The following NRXN3 variants were observed in gnomAD, a reference collection of about 807,000 sequenced individuals.
NRXN3 encodes neurexin III.
A neutral mutation model predicts 137.6 loss-of-function variants in NRXN3; 32 were observed. That is an observed-to-expected ratio of 0.23 (90% confidence interval 0.18 to 0.31). NRXN3 has a LOEUF of 0.31. NRXN3 is among the 10% of genes least tolerant of loss of function. The pLI, the probability that NRXN3 is intolerant of heterozygous loss-of-function variation, is 1.00. For synonymous variants in NRXN3, 798 were observed against 784.5 expected, an observed-to-expected ratio of 1.02 and a Z score of -0.29; for missense variants, 1,574 against 2,062.5, an observed-to-expected ratio of 0.76 and a Z score of 4.59.
At chr14:78,986,473 G>A (rs1170777158) in intron 14 of NRXN3, among the ~76,000 whole-genome samples, 1 of 152,100 alleles carries the variant, frequency 6.6e-6, no homozygotes, top group African/African-American at 2.4e-5. Context: ...ATGGCAATCT[G>A]TAAGAGAGAG....
At chr14:79,827,389 A>G (rs1221109044) in intron 20 of NRXN3, among the ~76,000 whole-genome samples, 4 of 152,198 alleles carry the variant, frequency 2.6e-5, no homozygotes, top group Admixed American at 2.6e-4. Context: ...ACATTAGAAA[A>G]AGTCAGCCAT....
rs115419161 is a variant in NRXN3, at chr14:79,632,645, C to G, written c.3445-31133C>G. 6.2e-4 allele frequency among the ~76,000 whole-genome samples: 94 copies of G among 151,804 alleles called. 1 individual carries two copies. Among genetic ancestry groups the G allele is most frequent in the African/African-American group, 2.0e-3 (81 of 41,136 alleles). ...ATTATATCTCTGTCTTTGCCTAAGACGTGTATTAAATAACAGCAATACAAA... is the reference window on the plus strand; with the variant it reads ...ATTATATCTCTGTCTTTGCCTAAGAGGTGTATTAAATAACAGCAATACAAA... On this transcript the variant is annotated intron_variant, in intron 16 of 20. Transcript: ENST00000335750.
rs118129458 is a variant in NRXN3, at chr14:79,058,992, G to T, written c.3262+70851G>T. ...ACCTTTTTCTTTTATAAATTACCCAGTTTCAGGTAGTATCTTCATAGCAGT... is the reference window on the plus strand; with the variant it reads ...ACCTTTTTCTTTTATAAATTACCCATTTTCAGGTAGTATCTTCATAGCAGT... On this transcript the variant is annotated intron_variant, in intron 15 of 20. Transcript: ENST00000335750. Among the ~76,000 whole-genome samples, 59 of 152,206 alleles carry T rather than the reference G, an allele frequency of 3.9e-4. 2 individuals carry two copies. The East Asian group carries it at 0.011, about 30-fold the overall frequency.
At chr14:78,896,235 C>T (rs562956784) in intron 10 of NRXN3, among the ~76,000 whole-genome samples, 1 of 152,000 alleles carries the variant, frequency 6.6e-6, no homozygotes, top group East Asian at 1.9e-4. Flanking sequence ...GAGTTGATTG[C>T]ATGGCATTGC....
chr14:78,755,863 G>A (rs2098665827), intron 8 of NRXN3, among the ~76,000 whole-genome samples: 1 of 152,192 alleles, frequency 6.6e-6, no homozygotes, highest in Non-Finnish European at 1.5e-5. Context: ...CCTATCTGCT[G>A]TGTGTATGTA....
intron 10 of NRXN3, among the ~76,000 whole-genome samples, chr14:78,825,550 C>T (rs1567428743): frequency 6.6e-6 from 1 of 152,238 alleles, no homozygotes; most frequent in Admixed American, 6.5e-5. Context: ...AGCATCTATA[C>T]AGGCACCAAA....
At chr14:78,691,844 A>G (rs757421102) in intron 6 of NRXN3, among the ~76,000 whole-genome samples, 9 of 152,174 alleles carry the variant, frequency 5.9e-5, no homozygotes, top group Non-Finnish European at 1.2e-4. Context: ...CTTGCTGGTC[A>G]GAAGAGAGTT....
At chr14:79,219,169 T>G (rs549097326) in intron 15 of NRXN3, among the ~76,000 whole-genome samples, 60 of 152,328 alleles carry the variant, frequency 3.9e-4, no homozygotes, top group Admixed American at 7.8e-4. Context: ...TGCCCCACGC[T>G]GGAATGCAGT....
At chr14:78,210,808 T>C (rs2062669338) in intron 1 of NRXN3, among the ~76,000 whole-genome samples, 1 of 152,362 alleles carries the variant, frequency 6.6e-6, no homozygotes, top group East Asian at 1.9e-4. Context: ...GATTTATCTA[T>C]GTTGCAAGCA....
rs1410966942 is a variant in NRXN3 at position 79,715,871 on chromosome 14, C to T, written c.4014+17934C>T. Reference sequence around the variant, plus strand: ...AAAAGAGGACAAGGGCCAGTGTTCCCGCCAAAGGAAATAGCCTATGCTGAG... The same window carrying T: ...AAAAGAGGACAAGGGCCAGTGTTCCTGCCAAAGGAAATAGCCTATGCTGAG... On this transcript the variant is annotated intron_variant, in intron 19 of 20. Transcript: ENST00000335750. 5.3e-5 allele frequency among the ~76,000 whole-genome samples: 8 copies of T among 152,296 alleles called. No individual in the cohort carries two copies. The East Asian group carries it at 5.8e-4, about 11-fold the overall frequency.
chr14:78,851,415 G>A (rs1223292044), intron 10 of NRXN3, among the ~76,000 whole-genome samples: 2 of 152,210 alleles, frequency 1.3e-5, no homozygotes, highest in Non-Finnish European at 2.9e-5. Flanking sequence ...CACTGCCTGA[G>A]TGCATCACTC....
chr14:79,664,252 A>G (rs949963509), intron 17 of NRXN3, among the ~76,000 whole-genome samples: 26 of 152,268 alleles, frequency 1.7e-4, no homozygotes, highest in African/African-American at 6.0e-4. Context: ...GGAGCAGTGA[A>G]GGGAAGGATC....
intron 3 of NRXN3, among the ~76,000 whole-genome samples, chr14:78,285,695 C>A (rs373418506): frequency 1.2e-4 from 18 of 152,312 alleles, no homozygotes; most frequent in Middle Eastern, 3.4e-3. Context: ...TAGGACTCAG[C>A]TCTTTGTTTT....
At chr14:78,798,680 G>GCT (rs1399181409) in intron 8 of NRXN3, among the ~76,000 whole-genome samples, 1 of 152,202 alleles carries the variant, frequency 6.6e-6, no homozygotes, top group Non-Finnish European at 1.5e-5. Flanking sequence ...CTCCATGAGG[G>GCT]CTCTGCCCCT....
intron 15 of NRXN3, among the ~76,000 whole-genome samples, chr14:79,144,810 C>T (rs1199440813): frequency 1.3e-5 from 2 of 152,048 alleles, no homozygotes; most frequent in African/African-American, 4.8e-5. Context: ...CTTCTTTCTT[C>T]CTTCTTTTTT....
chr14:78,483,621 T>C (rs1181907756), intron 4 of NRXN3, among the ~76,000 whole-genome samples: 1 of 152,234 alleles, frequency 6.6e-6, no homozygotes, highest in Non-Finnish European at 1.5e-5. Context: ...GCAGTGGACA[T>C]GAGAGACAAC....
chr14:79,752,800 A>C (rs1314090623), intron 19 of NRXN3, among the ~76,000 whole-genome samples: 1 of 152,084 alleles, frequency 6.6e-6, no homozygotes, highest in Admixed American at 6.6e-5. Context: ...AATGGGAGAA[A>C]ATTTTCACAA....
chr14:78,439,487 AC>A (rs1376240536), intron 4 of NRXN3, among the ~76,000 whole-genome samples: 2 of 152,198 alleles, frequency 1.3e-5, no homozygotes, highest in Admixed American at 6.5e-5. Context: ...TAATTGGCAT[AC>A]CCATTTTACA....
At chr14:79,043,083 T>G (rs2099627618) in intron 15 of NRXN3, among the ~76,000 whole-genome samples, 1 of 152,188 alleles carries the variant, frequency 6.6e-6, no homozygotes, top group Non-Finnish European at 1.5e-5. Context: ...TAATCCTGTG[T>G]TAAATCAAGC....
Sources: allele counts gnomAD v4.1 joint callset (sites outside exome capture counted in the v4.1 genomes callset), GRCh38; gene constraint gnomAD v4.1.1; transcripts MANE v1.5; gene names NCBI Gene and HGNC (gene_info 2026-07-23, HGNC 2026-07-21).